The following MRPS35 variants were observed in gnomAD, a reference collection of about 807,000 sequenced individuals.
MRPS35 encodes mitochondrial ribosomal protein S35.
In MRPS35, 29 loss-of-function variants were observed where a neutral mutation model predicts 32.7. That is an observed-to-expected ratio of 0.89 (90% confidence interval 0.66 to 1.21). MRPS35 has a LOEUF of 1.21. Ranked by LOEUF, MRPS35 falls within the 50% of genes most tolerant of loss-of-function variation. MRPS35 has a pLI of 0.00. For synonymous variants in MRPS35, 148 were observed against 139.3 expected (o/e 1.06, Z -0.44); for missense variants, 373 against 383.8 (o/e 0.97, Z 0.23).
intron 7 of MRPS35, among the ~76,000 whole-genome samples, chr12:27,746,886 TAA>T: frequency 6.6e-6 from 1 of 152,220 alleles, no homozygotes; most frequent in Non-Finnish European, 1.5e-5. Flanking sequence ...CAGTCTAGTA[TAA>T]GTTTTCATCA....
rs192220159 is a variant in MRPS35 at position 27,715,024 on chromosome 12, T to C, written c.153+204T>C. On this transcript the variant is annotated intron_variant, in intron 2 of 7. Coordinates refer to ENST00000081029, the MANE Select transcript of MRPS35 (RefSeq NM_021821.4). The stretch of plus-strand genomic sequence containing the variant: ...GATGATCTTTGAGAGGTTGACTTAC[T>C]GAGGAACTCCCAGGAAACAGGTGTA... Among the ~76,000 whole-genome samples the C allele has an allele frequency of 2.6e-3, 399 of 152,352 alleles. 4 individuals are homozygous for C. Among genetic ancestry groups the C allele is most frequent in the African/African-American group, 9.3e-3 (388 of 41,582 alleles).
chr12:27,753,326 C>G (rs776735984), intron 7 of MRPS35, among the ~76,000 whole-genome samples: 16 of 152,104 alleles, frequency 1.1e-4, no homozygotes, highest in Admixed American at 2.6e-4. Context: ...CCTTTCGCCT[C>G]GGTGATCTGA....
rs993664327 is a variant in MRPS35, at chr12:27,755,987, T to A, written c.*537T>A. 16 of 152,254 alleles carry A rather than the reference T, an allele frequency of 1.1e-4. No homozygotes were observed. The highest frequency in any genetic ancestry group is 2.2e-4 in the Non-Finnish European group (15 of 68,060). 9.4% of individuals were successfully genotyped at this position (152,254 alleles called of 1,614,324 possible). Reference sequence around the variant, plus strand: ...AAAGATATGTTGATTCAACTTTGTTTAGCATCCTACTTTCTAGATTGTGGG... The same window carrying A: ...AAAGATATGTTGATTCAACTTTGTTAAGCATCCTACTTTCTAGATTGTGGG... On this transcript the variant is annotated 3_prime_UTR_variant, in exon 8 of 8. Transcript: ENST00000081029.
intron 7 of MRPS35, among the ~76,000 whole-genome samples, chr12:27,754,057 C>T (rs143894864): frequency 1.7e-3 from 263 of 152,162 alleles, no homozygotes; most frequent in African/African-American, 6.1e-3. Flanking sequence ...AGTTTGAGAC[C>T]GGCCTAGAAA....
intron 5 of MRPS35, among the ~76,000 whole-genome samples, chr12:27,733,983 G>A (rs1341435707): frequency 6.6e-6 from 1 of 152,186 alleles, no homozygotes; most frequent in Non-Finnish European, 1.5e-5. Flanking sequence ...GAACGAGATA[G>A]CATCATTCTT....
At chr12:27,722,152 C>G (rs1007989620) in intron 4 of MRPS35, among the ~76,000 whole-genome samples, 4 of 152,218 alleles carry the variant, frequency 2.6e-5, no homozygotes, top group African/African-American at 9.7e-5. Context: ...TCCCTTTACA[C>G]TTGCTGCTGG....
chr12:27,724,667 CGG>C (rs1250543318), intron 5 of MRPS35, among the ~76,000 whole-genome samples: 1 of 151,898 alleles, frequency 6.6e-6, no homozygotes, highest in Non-Finnish European at 1.5e-5. Flanking sequence ...TGCTTGAACC[CGG>C]GAGGCAGAGG....
chr12:27,754,880 G>A (rs186857761), intron 7 of MRPS35, among the ~76,000 whole-genome samples: 1 of 151,990 alleles, frequency 6.6e-6, no homozygotes, highest in Admixed American at 6.5e-5. Context: ...AGTACAGATT[G>A]TAAGGCAGAC....
chr12:27,751,347 G>A (rs2062002478), intron 7 of MRPS35, among the ~76,000 whole-genome samples: 1 of 151,900 alleles, frequency 6.6e-6, no homozygotes, highest in Admixed American at 6.6e-5. Context: ...GTCAGATCCC[G>A]GGGTCTGGGT....
chr12:27,737,644 G>A (rs757322070), intron 7 of MRPS35, 36 bp downstream of exon 7: 19 of 1,513,194 alleles, frequency 1.3e-5, no homozygotes, highest in Non-Finnish European at 1.4e-5. Context: ...TTTTGTCATT[G>A]TAATTTAGAT....
rs966200955 is a variant in MRPS35, at chr12:27,755,636, A to G, written c.*186A>G. 2.7e-5 allele frequency: 12 copies of G among 448,048 alleles called. No homozygotes were observed. The South Asian group carries it at 3.6e-4, about 13-fold the overall frequency. The allele number at this position is 448,048 out of a possible 1,614,324, so 27.8% of individuals were successfully genotyped here. A position where few individuals can be genotyped will look rare whatever the true frequency, so the allele number is the denominator to read the frequency against. On this transcript the variant is annotated 3_prime_UTR_variant, in exon 8 of 8. Transcript: ENST00000081029. ...GTTTTTTAATTTTTACACTGGGGCA[A>G]TAGACTAGGAGGTCTCTGATTTCTT...
chr12:27,713,003 T>G (rs1054115561), intron 1 of MRPS35, among the ~76,000 whole-genome samples: 6 of 152,030 alleles, frequency 3.9e-5, no homozygotes, highest in African/African-American at 1.4e-4. Flanking sequence ...GTGACGGGAG[T>G]GAGACCCTAT....
At chr12:27,737,285 A>G (rs1476774555) in intron 6 of MRPS35, among the ~76,000 whole-genome samples, 1 of 152,252 alleles carries the variant, frequency 6.6e-6, no homozygotes, top group Non-Finnish European at 1.5e-5. Context: ...AGCGTAAGCT[A>G]TTGTTACATA....
At position 27,724,203 on chromosome 12, in the gene MRPS35, T is replaced by C; in HGVS notation, c.522+17T>C. The C allele has an allele frequency of 2.6e-5, 21 of 801,126 alleles. No homozygotes were observed. The highest frequency in any genetic ancestry group is 3.4e-5 in the Non-Finnish European group (20 of 589,090). 49.6% of individuals were successfully genotyped at this position (801,126 alleles called of 1,614,324 possible). A position where few individuals can be genotyped will look rare whatever the true frequency, so the allele number is the denominator to read the frequency against. On this transcript the variant is annotated intron_variant, in intron 5 of 7. Transcript: ENST00000081029. ...GTCTTAAGAGTAAGAGTTTTTTTCA[T>C]TTTTTTTTTTTAAATAAGAATCATT...
At chr12:27,727,278 A>G (rs984592631) in intron 5 of MRPS35, among the ~76,000 whole-genome samples, 1 of 152,116 alleles carries the variant, frequency 6.6e-6, no homozygotes. Context: ...ATTTTGATGA[A>G]GTCCAATTTA....
chr12:27,732,954 A>G (rs2061927213), intron 5 of MRPS35, among the ~76,000 whole-genome samples: 1 of 149,318 alleles, frequency 6.7e-6, no homozygotes, highest in Non-Finnish European at 1.5e-5. Flanking sequence ...GAATTTATGT[A>G]GCTCTTTTTG....
intron 6 of MRPS35, 36 bp downstream of exon 6, chr12:27,735,592 T>C (rs1181665279): frequency 1.4e-6 from 2 of 1,455,668 alleles, no homozygotes; most frequent in South Asian, 2.4e-5. Flanking sequence ...TGGTCACGTG[T>C]GTTTCCTCAT....
intron 5 of MRPS35, among the ~76,000 whole-genome samples, chr12:27,726,649 C>T (rs1419339787): frequency 2.0e-5 from 3 of 152,096 alleles, no homozygotes; most frequent in Non-Finnish European, 4.4e-5. Flanking sequence ...TTCTCCACAT[C>T]CTCACTAATG....
At chr12:27,715,250 C>T (rs1162855791) in intron 2 of MRPS35, among the ~76,000 whole-genome samples, 1 of 152,214 alleles carries the variant, frequency 6.6e-6, no homozygotes, top group Non-Finnish European at 1.5e-5. Flanking sequence ...GTTCTCCTGC[C>T]TCAGCCTCCC....
Sources: gnomAD v4.1 joint callset for allele counts (sites outside exome capture counted in the v4.1 genomes callset) on GRCh38, gnomAD v4.1.1 for gene constraint, MANE v1.5 for transcripts, NCBI Gene and HGNC (gene_info 2026-07-23, HGNC 2026-07-21) for gene names.